Variants in ROBO2 observed in about 807,000 individuals in gnomAD.
The protein encoded by ROBO2 is roundabout homolog 2.
A neutral mutation model predicts 160.8 loss-of-function variants in ROBO2; 53 were observed. That is an observed-to-expected ratio of 0.33 (90% CI 0.26 to 0.41). The LOEUF is 0.41. ROBO2 is among the 10% of genes least tolerant of loss of function. ROBO2 has a pLI of 1.00. For missense variants in ROBO2, 1,577 were observed against 1,722.4 expected (o/e 0.92, Z 1.49); for synonymous variants, 664 against 611.7 (o/e 1.09, Z -1.26).
At chr3:76,621,013 T>G (rs914202175) in intron 2 of ROBO2, among the ~76,000 whole-genome samples, 2 of 152,182 alleles carry the variant, frequency 1.3e-5, no homozygotes, top group Non-Finnish European at 2.9e-5. Context: ...CTGACTCTGT[T>G]GCGATTTTCA....
chr3:75,950,261 G>T (rs1017828582), intron 2 of ROBO2, among the ~76,000 whole-genome samples: 1 of 152,004 alleles, frequency 6.6e-6, no homozygotes, highest in African/African-American at 2.4e-5. Flanking sequence ...TTTTATAGCT[G>T]CTGAGTTCCT....
At chr3:76,058,417 G>C (rs1173617270) in intron 2 of ROBO2, among the ~76,000 whole-genome samples, 1 of 151,958 alleles carries the variant, frequency 6.6e-6, no homozygotes, top group African/African-American at 2.4e-5. Context: ...ACTACTGAAT[G>C]TTTTTAAAAG....
intron 2 of ROBO2, among the ~76,000 whole-genome samples, chr3:76,308,846 A>G (rs1246822986): frequency 6.6e-6 from 1 of 152,226 alleles, no homozygotes; most frequent in Non-Finnish European, 1.5e-5. Flanking sequence ...GGGATTATTG[A>G]AAAGGAAAGA....
rs541001589 is a variant in ROBO2 at position 77,614,753 on chromosome 3, CCAAA to C, written c.3294-2743_3294-2740del. Reference sequence around the variant, plus strand: ...ACCAACCAACCAACCAACCAACCAACCAAACAAACAAACAAACAAAAACCCTTTC... The same window carrying C: ...ACCAACCAACCAACCAACCAACCAACCAAACAAACAAACAAAAACCCTTTC... On this transcript the variant is annotated intron_variant, in intron 21 of 25. Transcript: ENST00000461745. Among the ~76,000 whole-genome samples, 722 of 142,212 alleles carry C rather than the reference CCAAA, an allele frequency of 5.1e-3. 3 individuals carry two copies. Among genetic ancestry groups the C allele is most frequent in the Middle Eastern group, 0.011 (3 of 272 alleles). 93.3% of individuals were successfully genotyped at this position (142,212 alleles called of 152,430 possible).
rs181648194 is a variant in ROBO2 at position 76,923,931 on chromosome 3, C to T, written c.110-174083C>T. Among the ~76,000 whole-genome samples, 134 of 152,186 alleles carry T rather than the reference C, an allele frequency of 8.8e-4. 1 individual carries two copies. Among genetic ancestry groups the T allele is most frequent in the Admixed American group, 4.8e-3 (73 of 15,288 alleles). ...GTCCATTTCTTCTTAACTCATTGTT[C>T]GGAAACTAAAAATGAGGTAAATTGG... On this transcript the variant is annotated intron_variant, in intron 2 of 26. Coordinates refer to the ROBO2 transcript ENST00000487694.
At chr3:76,612,510 T>C (rs1009527612) in intron 2 of ROBO2, among the ~76,000 whole-genome samples, 1 of 151,878 alleles carries the variant, frequency 6.6e-6, no homozygotes, top group Admixed American at 6.6e-5. Context: ...TGAGAACACA[T>C]GGACACAGGG....
intron 2 of ROBO2, among the ~76,000 whole-genome samples, chr3:76,670,642 C>A (rs1426109374): frequency 1.3e-5 from 2 of 152,018 alleles, no homozygotes; most frequent in East Asian, 1.9e-4. Flanking sequence ...CTGTCTTGCT[C>A]ACCATTGTAC....
rs1025962010 is a variant in ROBO2, at chr3:76,764,407, T to C, written c.110-333607T>C. Among the ~76,000 whole-genome samples, 11 of 151,742 alleles carry C rather than the reference T, an allele frequency of 7.2e-5. No homozygotes were observed. In the East Asian group the frequency reaches 2.0e-3, roughly 27 times the overall value. ...CTACTTTAAAATATTTTAATCATACTGTATTTATTGTTTGAAAATATTTGC... is the reference window on the plus strand; with the variant it reads ...CTACTTTAAAATATTTTAATCATACCGTATTTATTGTTTGAAAATATTTGC... On this transcript the variant is annotated intron_variant, in intron 2 of 26. Transcript: ENST00000487694.
intron 2 of ROBO2, among the ~76,000 whole-genome samples, chr3:77,225,619 C>T (rs2086397297): frequency 6.6e-6 from 1 of 151,832 alleles, no homozygotes; most frequent in Admixed American, 6.6e-5. Flanking sequence ...TTTTGATTAA[C>T]CTGATTTAAA....
Position 77,135,337 on chromosome 3 carries a change from G to A in ROBO2, c.388+36997G>A, listed in dbSNP as rs375679526. Among the ~76,000 whole-genome samples the A allele has an allele frequency of 4.5e-4, 68 of 152,286 alleles. 1 individual carries two copies. The highest frequency in any genetic ancestry group is 1.5e-3 in the African/African-American group (62 of 41,562). ...TAAAGTTATTTGGAGTCTGTGGTGG[G>A]TATGTCTTATTGTGATCTCTGTAAT... On this transcript the variant is annotated intron_variant, in intron 2 of 25. Transcript: ENST00000461745.
intron 21 of ROBO2, among the ~76,000 whole-genome samples, chr3:77,612,424 A>G (rs2094665599): frequency 6.6e-6 from 1 of 152,100 alleles, no homozygotes; most frequent in South Asian, 2.1e-4. Flanking sequence ...ATAACAGACC[A>G]TTCTTCTCCT....
At chr3:76,580,260 G>A (rs1443644846) in intron 2 of ROBO2, among the ~76,000 whole-genome samples, 3 of 130,022 alleles carry the variant, frequency 2.3e-5, no homozygotes, top group Non-Finnish European at 5.0e-5. Flanking sequence ...TTTTTTATTT[G>A]CTAGAGCCTG....
intron 2 of ROBO2, among the ~76,000 whole-genome samples, chr3:77,169,883 C>A (rs944357135): frequency 2.0e-5 from 3 of 152,182 alleles, no homozygotes; most frequent in Admixed American, 1.3e-4. Context: ...AGCCTCCCCA[C>A]TGTGGTCGTC....
intron 12 of ROBO2, among the ~76,000 whole-genome samples, chr3:77,566,166 G>C (rs1319976785): frequency 6.6e-6 from 1 of 152,016 alleles, no homozygotes. Context: ...TATTATAACG[G>C]AGAAGGGCAC....
chr3:77,295,488 G>A (rs1185931198), intron 2 of ROBO2, among the ~76,000 whole-genome samples: 1 of 150,522 alleles, frequency 6.6e-6, no homozygotes, highest in East Asian at 2.0e-4. Context: ...GTAAGCTGAG[G>A]CTAGATCACC....
At position 76,533,921 on chromosome 3, in the gene ROBO2, A is replaced by G. The variant is rs550096356; in HGVS notation, c.110-564093A>G. On this transcript the variant is annotated intron_variant, in intron 2 of 26. Coordinates refer to the ROBO2 transcript ENST00000487694. ...GGTCAATCGGTGAAGGCAGGAACTGAGGTTTCACTTCTTTTGTGGTTTTTC... is the reference window on the plus strand; with the variant it reads ...GGTCAATCGGTGAAGGCAGGAACTGGGGTTTCACTTCTTTTGTGGTTTTTC... Among the ~76,000 whole-genome samples the G allele has an allele frequency of 1.3e-3, 194 of 152,054 alleles. 4 individuals are homozygous for G. Among genetic ancestry groups the G allele is most frequent in the African/African-American group, 3.4e-3 (139 of 41,412 alleles).
At chr3:77,639,121 T>C (rs994690305) in intron 24 of ROBO2, among the ~76,000 whole-genome samples, 6 of 152,068 alleles carry the variant, frequency 3.9e-5, no homozygotes, top group Non-Finnish European at 8.8e-5. Flanking sequence ...TGAGCCACCA[T>C]GCCCGGCCCC....
At chr3:77,589,253 C>T (rs1428206307) in intron 17 of ROBO2, among the ~76,000 whole-genome samples, 1 of 151,996 alleles carries the variant, frequency 6.6e-6, no homozygotes, top group Non-Finnish European at 1.5e-5. Flanking sequence ...CACACGCAGA[C>T]TATGTGTTAC....
chr3:76,916,267 T>A (rs1466424108), intron 2 of ROBO2, among the ~76,000 whole-genome samples: 2 of 152,146 alleles, frequency 1.3e-5, no homozygotes, highest in African/African-American at 4.8e-5. Flanking sequence ...GCAGCCATCA[T>A]TAACTTTGGT....
Sources: allele counts gnomAD v4.1 joint callset (sites outside exome capture counted in the v4.1 genomes callset), GRCh38; gene constraint gnomAD v4.1.1; transcripts MANE v1.5; gene names NCBI Gene and HGNC (gene_info 2026-07-23, HGNC 2026-07-21).